Variants in MAMDC2 observed in about 807,000 individuals in gnomAD.
MAMDC2 encodes the protein MAM domain-containing protein 2.
Under a neutral mutation model 89.8 loss-of-function variants are expected in MAMDC2, and 57 were observed. The ratio of observed to expected loss-of-function variants is 0.63; its 90% CI spans 0.51 to 0.79. The LOEUF (loss-of-function observed/expected upper bound fraction) is 0.79. MAMDC2 is among the 30% of genes least tolerant of loss of function. The probability of loss-of-function intolerance (pLI) is 0.00; values close to 1 mark genes in which losing one functional copy is unlikely to be tolerated. For synonymous variants in MAMDC2, 313 were observed against 293.4 expected, an observed-to-expected ratio of 1.07 and a Z score of -0.68; for missense variants, 800 against 820.6, an observed-to-expected ratio of 0.97 and a Z score of 0.31.
At chr9:70,060,252 A>G (rs1827117457) in intron 2 of MAMDC2, among the ~76,000 whole-genome samples, 1 of 152,220 alleles carries the variant, frequency 6.6e-6, no homozygotes, top group Admixed American at 6.5e-5. Flanking sequence ...TTGGCACTGG[A>G]GAGACACTCA....
intron 9 of MAMDC2, among the ~76,000 whole-genome samples, chr9:70,154,529 T>TTTG (rs1554676368): frequency 9.0e-6 from 1 of 110,812 alleles, no homozygotes; most frequent in African/African-American, 4.2e-5. Context: ...TTGGAACAAT[T>TTTG]TTTTTTTTTT....
chr9:70,096,255 C>T lies in MAMDC2; in HGVS notation c.149-11956C>T, dbSNP rs185693456. 4.1e-4 allele frequency among the ~76,000 whole-genome samples: 62 copies of T among 151,166 alleles called. 1 individual carries two copies. Among genetic ancestry groups the T allele is most frequent in the Non-Finnish European group, 5.6e-4 (38 of 68,002 alleles). On this transcript the variant is annotated intron_variant, in intron 2 of 13. Coordinates refer to ENST00000377182, the MANE Select transcript of MAMDC2 (RefSeq NM_153267.5). ...CTGGTCTTGAACTCTTGGGCCCAAACGATTCTCCCACCTCAGCCTCCCAAA... is the reference window on the plus strand; with the variant it reads ...CTGGTCTTGAACTCTTGGGCCCAAATGATTCTCCCACCTCAGCCTCCCAAA...
intron 2 of MAMDC2, among the ~76,000 whole-genome samples, chr9:70,094,418 T>G (rs1443370336): frequency 6.6e-6 from 1 of 152,230 alleles, no homozygotes; most frequent in Non-Finnish European, 1.5e-5. Flanking sequence ...CAGAGAATTG[T>G]GCATTTCAAC....
intron 6 of MAMDC2, among the ~76,000 whole-genome samples, chr9:70,129,483 T>G (rs543617640): frequency 6.6e-6 from 1 of 152,130 alleles, no homozygotes; most frequent in Non-Finnish European, 1.5e-5. Context: ...TACAGTGATA[T>G]ATCCAGGCCC....
chr9:70,204,725 C>A (rs1428749167), intron 11 of MAMDC2, among the ~76,000 whole-genome samples: 3 of 151,912 alleles, frequency 2.0e-5, no homozygotes, highest in Non-Finnish European at 4.4e-5. Flanking sequence ...GGGCGTAGGA[C>A]CCTCCGAGCC....
chr9:70,087,182 C>A (rs1827788283), intron 2 of MAMDC2: 1 of 152,194 alleles, frequency 6.6e-6, no homozygotes, highest in Admixed American at 6.5e-5. Context: ...GAAACCAGCA[C>A]ATCATGCACT....
chr9:70,052,734 A>G (rs1390885436), intron 2 of MAMDC2, among the ~76,000 whole-genome samples: 2 of 152,238 alleles, frequency 1.3e-5, no homozygotes, highest in African/African-American at 4.8e-5. Flanking sequence ...TGGAAAAAAA[A>G]TAAAAAATCC....
intron 2 of MAMDC2, among the ~76,000 whole-genome samples, chr9:70,060,078 A>T (rs1280364980): frequency 6.6e-6 from 1 of 152,156 alleles, no homozygotes. Flanking sequence ...TCACTAGGAC[A>T]TTGGCTCTCT....
At chr9:70,131,448 A>T in intron 6 of MAMDC2, 71 bp from the exon 7 acceptor site, 1 of 1,011,700 alleles carries the variant, frequency 9.9e-7, no homozygotes, top group Non-Finnish European at 1.5e-6. Context: ...ATGTCATTTT[A>T]AATCATTAAG....
chr9:70,182,298 A>G (rs1381195700), intron 11 of MAMDC2, among the ~76,000 whole-genome samples: 2 of 152,140 alleles, frequency 1.3e-5, no homozygotes, highest in Non-Finnish European at 2.9e-5. Context: ...TTCATCAGGG[A>G]CATTGGCCTG....
At chr9:70,170,767 C>A (rs887306494) in intron 11 of MAMDC2, 136 bp downstream of exon 11, 22 of 773,714 alleles carry the variant, frequency 2.8e-5, no homozygotes, top group Non-Finnish European at 3.9e-5. Context: ...TCTACACACA[C>A]AGGATGATTT....
At chr9:70,094,779 T>G (rs575664769) in intron 2 of MAMDC2, among the ~76,000 whole-genome samples, 26 of 152,284 alleles carry the variant, frequency 1.7e-4, no homozygotes, top group African/African-American at 6.0e-4. Flanking sequence ...TAATGAGGAA[T>G]GTGGACAAGT....
chr9:70,071,732 G>A (rs1827414943), intron 2 of MAMDC2: 1 of 152,094 alleles, frequency 6.6e-6, no homozygotes, highest in Non-Finnish European at 1.5e-5. Flanking sequence ...TCAACAGCCA[G>A]CAATTCTGGA....
intron 2 of MAMDC2, among the ~76,000 whole-genome samples, chr9:70,095,158 C>T (rs925215719): frequency 2.6e-5 from 4 of 152,100 alleles, no homozygotes; most frequent in Non-Finnish European, 4.4e-5. Flanking sequence ...CTGTAGCTGC[C>T]ATGTAGGCTG....
chr9:70,139,008 A>G (rs2031099972), intron 7 of MAMDC2, among the ~76,000 whole-genome samples: 1 of 151,968 alleles, frequency 6.6e-6, no homozygotes, highest in African/African-American at 2.4e-5. Context: ...GTCCCATAAA[A>G]TCTCTTCCTT....
intron 2 of MAMDC2, among the ~76,000 whole-genome samples, chr9:70,101,539 T>G (rs965780581): frequency 6.6e-6 from 1 of 152,182 alleles, no homozygotes; most frequent in African/African-American, 2.4e-5. Context: ...TGCTGTATTT[T>G]TACTATATCT....
intron 11 of MAMDC2, among the ~76,000 whole-genome samples, chr9:70,199,898 G>T (rs917374058): frequency 3.3e-5 from 5 of 151,892 alleles, no homozygotes; most frequent in Admixed American, 1.3e-4. Context: ...TGATGGGGTT[G>T]TTTGTTCTTT....
chr9:70,191,188 C>T lies in MAMDC2; in HGVS notation c.1651+20557C>T, dbSNP rs115002866. Reference sequence around the variant, plus strand: ...ATTGTGAAAAGCCTTTGATTAATTCCCAGAATTCTGAAAAAGTTTATTGTG... The same window carrying T: ...ATTGTGAAAAGCCTTTGATTAATTCTCAGAATTCTGAAAAAGTTTATTGTG... On this transcript the variant is annotated intron_variant, in intron 11 of 13. Transcript: ENST00000377182. 6.8e-3 allele frequency among the ~76,000 whole-genome samples: 1,027 copies of T among 152,040 alleles called. 8 individuals are homozygous for T. The highest frequency in any genetic ancestry group is 0.024 in the African/African-American group (987 of 41,472).
chr9:70,126,708 C>T (rs571412370), intron 6 of MAMDC2, among the ~76,000 whole-genome samples: 1 of 152,310 alleles, frequency 6.6e-6, no homozygotes, highest in Non-Finnish European at 1.5e-5. Flanking sequence ...TCCTTCTGAA[C>T]CTTGCACTGT....
Sources: gnomAD v4.1 joint callset for allele counts (sites outside exome capture counted in the v4.1 genomes callset) on GRCh38, gnomAD v4.1.1 for gene constraint, MANE v1.5 for transcripts, NCBI Gene and HGNC (gene_info 2026-07-23, HGNC 2026-07-21) for gene names.